Variants in PHACTR3 observed in about 807,000 individuals in gnomAD.
PHACTR3 encodes protein phosphatase 1, regulatory subunit 123.
PHACTR3 carries 16 observed loss-of-function variants against 66.8 expected under a neutral mutation model. The observed-to-expected ratio is 0.24, with a 90% CI of 0.16 to 0.36. The LOEUF (loss-of-function observed/expected upper bound fraction) is 0.36. PHACTR3 is among the 10% of genes least tolerant of loss of function. The pLI is 1.00. For missense variants in PHACTR3, 647 were observed against 719.9 expected (o/e 0.90, Z 1.16); for synonymous variants, 323 against 292.1 (o/e 1.11, Z -1.08).
intron 10 of PHACTR3, 105 bp downstream of exon 10, chr20:59,840,535 A>C: frequency 6.7e-7 from 1 of 1,496,264 alleles, no homozygotes; most frequent in Non-Finnish European, 9.0e-7. Context: ...TGTGATCATG[A>C]ATAATGTTCT....
intron 8 of PHACTR3, among the ~76,000 whole-genome samples, chr20:59,809,857 A>C (rs1203966529): frequency 6.6e-6 from 1 of 152,170 alleles, no homozygotes; most frequent in Admixed American, 6.5e-5. Flanking sequence ...ATTTACAAAA[A>C]TAGCCAGCGG....
intron 2 of PHACTR3, among the ~76,000 whole-genome samples, chr20:59,744,345 G>A (rs959445094): frequency 5.3e-5 from 8 of 152,326 alleles, no homozygotes; most frequent in Admixed American, 6.5e-5. Context: ...AAGAGAGCCC[G>A]GAGGAGGCCG....
intron 2 of PHACTR3, among the ~76,000 whole-genome samples, chr20:59,744,178 G>A (rs945600500): frequency 2.6e-5 from 4 of 152,248 alleles, no homozygotes; most frequent in Non-Finnish European, 5.9e-5. Flanking sequence ...ACTCCCGCAG[G>A]ATCCTGCCCC....
chr20:59,841,269 T>TAACCCAA (rs1641488603), intron 10 of PHACTR3, 126 bp from the exon 11 acceptor site: 2 of 924,090 alleles, frequency 2.2e-6, no homozygotes, highest in Middle Eastern at 3.5e-4. Flanking sequence ...GTATTTGGGT[T>TAACCCAA]ATATTTTCCA....
upstream of PHACTR3, among the ~76,000 whole-genome samples, chr20:59,599,599 C>T (rs75546312): frequency 0.059 from 8,948 of 152,158 alleles, 322 homozygotes; most frequent in Middle Eastern, 0.14. Context: ...TCCTCCCCAC[C>T]CAGGAGATAG....
chr20:59,747,791 G>A lies in PHACTR3; in HGVS notation c.314G>A (p.Arg105Gln), dbSNP rs2039428587. Reference protein sequence around the residue: ...LEKKMAGRQGREELIKKGLLE... With the variant: ...LEKKMAGRQGQEELIKKGLLE... ...AAGAAGATGGCCGGCAGGCAAGGCC[G>A]AGAGGAGCTCATCAAGAAGGGGCTG... The change falls in exon 3 of 13, where the codon CGA becomes CAA. Residue 105 changes from arginine to glutamine, a missense_variant. Arg to Gln is a conservative substitution (Grantham distance 43). Around this residue, in one of 2 missense-constraint regions of PHACTR3, gnomAD observed 577 missense variants for 571.1 expected, o/e 1.01. Transcript: ENST00000371015. 8 of 1,614,094 alleles carry A rather than the reference G, an allele frequency of 5.0e-6. No individual in the cohort carries two copies. The highest frequency in any genetic ancestry group is 2.7e-5 in the African/African-American group (2 of 75,068).
chr20:59,629,186 A>G (rs2034573475), intron 1 of PHACTR3, among the ~76,000 whole-genome samples: 1 of 152,220 alleles, frequency 6.6e-6, no homozygotes, highest in East Asian at 1.9e-4. Context: ...GTGGATGCTG[A>G]CTGGATGCCC....
chr20:59,819,146 C>T (rs776023944), intron 8 of PHACTR3, among the ~76,000 whole-genome samples: 2 of 152,168 alleles, frequency 1.3e-5, no homozygotes, highest in South Asian at 2.1e-4. Flanking sequence ...GGCTCATTCC[C>T]GCAATCCCAG....
chr20:59,707,271 T>G (rs948420447), intron 1 of PHACTR3, among the ~76,000 whole-genome samples: 3 of 151,896 alleles, frequency 2.0e-5, no homozygotes, highest in East Asian at 3.9e-4. Flanking sequence ...TCTCATAGCT[T>G]AGCAATCCTT....
chr20:59,629,136 G>A (rs4812119), intron 1 of PHACTR3, among the ~76,000 whole-genome samples: 107,850 of 152,184 alleles, frequency 0.71, 38,419 homozygotes, highest in East Asian at 0.89. Context: ...ATAATGAGGC[G>A]CCAGGCCCCT....
chr20:59,840,498 T>G, intron 10 of PHACTR3, 68 bp downstream of exon 10: 1 of 1,597,714 alleles, frequency 6.3e-7, no homozygotes, highest in East Asian at 2.2e-5. Context: ...CGGTAGCAGG[T>G]GGGATGGGTA....
chr20:59,678,149 G>A (rs965681812), intron 1 of PHACTR3, among the ~76,000 whole-genome samples: 2 of 152,098 alleles, frequency 1.3e-5, no homozygotes, highest in African/African-American at 2.4e-5. Flanking sequence ...AATAGATATA[G>A]ATTTTTTTTT....
chr20:59,613,034 A>T (rs73140826), intron 1 of PHACTR3, among the ~76,000 whole-genome samples: 3,094 of 152,262 alleles, frequency 0.02, 63 homozygotes, highest in Non-Finnish European at 0.029. Context: ...CAAGCCATTC[A>T]TGAGGAATCC....
At chr20:59,755,632 C>G (rs2039762182) in intron 4 of PHACTR3, among the ~76,000 whole-genome samples, 2 of 152,322 alleles carry the variant, frequency 1.3e-5, no homozygotes, top group East Asian at 3.9e-4. Flanking sequence ...ACACCTACCC[C>G]CCCTCCCAGG....
intron 1 of PHACTR3, among the ~76,000 whole-genome samples, chr20:59,630,421 G>T (rs891095851): frequency 1.3e-4 from 20 of 152,200 alleles, no homozygotes; most frequent in Admixed American, 1.2e-3. Context: ...AACCTCAGGT[G>T]ATCCGCCCGC....
chr20:59,806,267 A>G, intron 8 of PHACTR3, 73 bp downstream of exon 8: 1 of 1,553,048 alleles, frequency 6.4e-7, no homozygotes, highest in South Asian at 1.2e-5. Flanking sequence ...GAGATCCCAC[A>G]TCCTGGGTGT....
intron 1 of PHACTR3, among the ~76,000 whole-genome samples, chr20:59,652,120 C>T (rs1427587043): frequency 6.6e-6 from 1 of 152,004 alleles, no homozygotes; most frequent in Non-Finnish European, 1.5e-5. Context: ...AGCAGGCAGA[C>T]AGGAAGGAAA....
At position 59,767,825 on chromosome 20, in the gene PHACTR3, ATTCCATTCCTTTCCT is replaced by A. The variant is rs1480111088; in HGVS notation, c.751+444_751+458del. On this transcript the variant is annotated intron_variant, in intron 5 of 12. Transcript: ENST00000371015. Reference sequence around the variant, plus strand: ...TTTCCATTCTGTTCCTTTCCATTCCATTCCATTCCTTTCCTTTCCATTCCTTTCTGTTCCATTCCA... The same window carrying A: ...TTTCCATTCTGTTCCTTTCCATTCCATTCCATTCCTTTCTGTTCCATTCCA... Among the ~76,000 whole-genome samples the A allele has an allele frequency of 7.9e-5, 12 of 151,490 alleles. No individual in the cohort carries two copies. The South Asian group carries it at 8.4e-4, about 11-fold the overall frequency.
chr20:59,764,410 G>A (rs1385862695), intron 4 of PHACTR3, among the ~76,000 whole-genome samples: 1 of 152,212 alleles, frequency 6.6e-6, no homozygotes, highest in African/African-American at 2.4e-5. Flanking sequence ...TGGAGGAGAT[G>A]AGTCAGAGGA....
Sources: gnomAD v4.1 joint callset for allele counts (sites outside exome capture counted in the v4.1 genomes callset) on GRCh38, gnomAD v4.1.1 for gene constraint, gnomAD v4.1.1 regional missense constraint, MANE v1.5 for transcripts, NCBI Gene and HGNC (gene_info 2026-07-23, HGNC 2026-07-21) for gene names.